The following NPR1 variants were observed in gnomAD, a reference collection of about 807,000 sequenced individuals.
NPR1 encodes atrial natriuretic peptide receptor 1.
A neutral mutation model predicts 116.9 loss-of-function variants in NPR1; 57 were observed. The observed-to-expected ratio is 0.49, with a 90% CI of 0.39 to 0.61. NPR1 has a LOEUF of 0.61. Among genes scored for constraint, NPR1 ranks in the 20% least tolerant of loss-of-function variants. NPR1 has a pLI of 0.00. For missense variants in NPR1, 1,096 were observed against 1,409.8 expected, an observed-to-expected ratio of 0.78 and a Z score of 3.56; for synonymous variants, 555 against 601.6, an observed-to-expected ratio of 0.92 and a Z score of 1.13.
In NPR1 at chr1:153,689,157, C is replaced by G. The variant is rs1670018299; in HGVS notation, c.2565-31C>G. 1 of 1,614,186 alleles carries G rather than the reference C, an allele frequency of 6.2e-7. No homozygotes were observed. The highest frequency in any genetic ancestry group is 1.1e-5 in the South Asian group (1 of 91,088). On this transcript the variant is annotated intron_variant, in intron 16 of 21. Transcript: ENST00000368680. This position sits in a 1 kb window ranked among gnomAD's most constrained non-coding sequence, Gnocchi z 5.1. ...ACAAAGCCCCTGTCCCGACCCCCAA[C>G]TCTGATCCTGCACCTGCCCTGACCC...
Position 153,678,907 on chromosome 1 carries a change from G to A in NPR1, c.-202G>A, listed in dbSNP as rs903747973. 3.2e-5 allele frequency: 20 copies of A among 627,376 alleles called. No individual in the cohort carries two copies. In the East Asian group the frequency reaches 5.5e-4, roughly 17 times the overall value. 38.9% of individuals were successfully genotyped at this position (627,376 alleles called of 1,614,324 possible). On this transcript the variant is annotated 5_prime_UTR_variant, in exon 1 of 22. Coordinates refer to ENST00000368680, the MANE Select transcript of NPR1 (RefSeq NM_000906.4). This position sits in a 1 kb window ranked among gnomAD's most constrained non-coding sequence, Gnocchi z 5.8. ...CCACCTGCTCCGCGGCGCCCTGCGC[G>A]CCCCCCTCGGTCGCGCCCCTTGCGC... is the stretch of plus-strand genomic sequence containing the variant.
At chr1:153,682,416 A>G in intron 4 of NPR1, 82 bp from the exon 5 acceptor site, 1 of 1,016,588 alleles carries the variant, frequency 9.8e-7, no homozygotes. Context: ...AAGGCAAAAA[A>G]GATTAGAGGA....
At chr1:153,682,022 T>C (rs1669794338) in intron 4 of NPR1, among the ~76,000 whole-genome samples, 183 bp downstream of exon 4, 1 of 152,178 alleles carries the variant, frequency 6.6e-6, no homozygotes, top group Non-Finnish European at 1.5e-5. Flanking sequence ...CAATCATCCC[T>C]GCTGGGCACT....
At chr1:153,690,141 TCACA>T (rs149726910) in intron 19 of NPR1, 139 bp from the exon 20 acceptor site, 30 of 362,846 alleles carry the variant, frequency 8.3e-5, no homozygotes, top group South Asian at 1.9e-4. Flanking sequence ...TCTCTCTCTC[TCACA>T]CACACACACA....
intron 3 of NPR1, 84 bp downstream of exon 3, chr1:153,681,377 C>T: frequency 2.5e-6 from 2 of 793,630 alleles, no homozygotes; most frequent in Non-Finnish European, 4.3e-6. Context: ...CTTCCCTATT[C>T]CCAGTTCTCC....
At position 153,686,605 on chromosome 1, in the gene NPR1, C is replaced by T. The variant is rs149139025; in HGVS notation, c.1759-41C>T. 398 of 1,534,516 alleles carry T rather than the reference C, an allele frequency of 2.6e-4. No individual in the cohort carries two copies. In the African/African-American group the frequency reaches 4.5e-3, roughly 17 times the overall value. ...AGCTAGTGAGCAGCTTGGTGAGGAG[C>T]GAGGTCTCTGTCAAGCTCCTGATGC... On this transcript the variant is annotated intron_variant, in intron 10 of 21. Transcript: ENST00000368680.
At chr1:153,692,744 C>T (rs563925530) in intron 20 of NPR1, among the ~76,000 whole-genome samples, 1 of 151,934 alleles carries the variant, frequency 6.6e-6, no homozygotes, top group Non-Finnish European at 1.5e-5. Flanking sequence ...AACTCCTGGC[C>T]TCAAGTGATC....
intron 10 of NPR1, 92 bp from the exon 11 acceptor site, chr1:153,686,554 G>A: frequency 1.0e-6 from 1 of 986,586 alleles, no homozygotes; most frequent in Non-Finnish European, 1.6e-6. Context: ...AGTGAATAAG[G>A]AGTTAAGAAG....
rs1306720154 is a variant in NPR1 at position 153,690,280 on chromosome 1, C to T, written c.2933-4C>T. 1.7e-5 allele frequency: 26 copies of T among 1,554,922 alleles called. No individual in the cohort carries two copies. The highest frequency in any genetic ancestry group is 2.3e-5 in the Non-Finnish European group (26 of 1,148,250). ...GGCTCTGCTCCTTCCCTTGCTCCTC[C>T]CAGGACCTGTGTGTGCTGGAGTGGT... On this transcript the variant is annotated splice_region_variant and splice_polypyrimidine_tract_variant and intron_variant, in intron 19 of 21. Transcript: ENST00000368680.
chr1:153,683,570 C>G, intron 6 of NPR1, 59 bp downstream of exon 6: 2 of 1,605,526 alleles, frequency 1.2e-6, no homozygotes, highest in Non-Finnish European at 1.7e-6. Context: ...TTCCCCTAAG[C>G]ACAGTCGAGT....
chr1:153,679,173 C>CGCT lies in NPR1; in HGVS notation c.78_80dup (p.Leu27dup), dbSNP rs774440887. The CGCT allele has an allele frequency of 1.2e-5, 18 of 1,502,958 alleles. No individual in the cohort carries two copies. The highest frequency in any genetic ancestry group is 2.9e-5 in the African/African-American group (2 of 68,716). The allele number at this position is 1,502,958 out of a possible 1,614,324, so 93.1% of individuals were successfully genotyped here. ...CTGCTCCTGCTCCTGCTGCTGCCGC[C>CGCT]GCTGCTGCTGCTGCTCCGGGGCAGC... is the stretch of plus-strand genomic sequence containing the variant. On this transcript the variant is annotated inframe_insertion, in exon 1 of 22. Transcript: ENST00000368680. This position sits in a 1 kb window ranked among gnomAD's most constrained non-coding sequence, Gnocchi z 4.2.
intron 20 of NPR1, among the ~76,000 whole-genome samples, chr1:153,692,700 A>G (rs1382585576): frequency 6.6e-6 from 1 of 151,864 alleles, no homozygotes; most frequent in Non-Finnish European, 1.5e-5. Flanking sequence ...TTTAGTAGAG[A>G]CGGGGTTTCG....
rs1669683617 is a variant in NPR1, at chr1:153,679,137, C to T, written c.29C>T (p.Ser10Phe). Residue 10 changes from serine (S) to phenylalanine (F), a missense_variant, in exon 1 of 22, where the codon TCC becomes TTC. Transcript: ENST00000368680. This position sits in a 1 kb window ranked among gnomAD's most constrained non-coding sequence, Gnocchi z 4.2. ...CCGGGGCCCCGGCGCCCCGCTGGCT[C>T]CCGCCTGCGCCTGCTCCTGCTCCTG... is the stretch of plus-strand genomic sequence containing the variant. MPGPRRPAG[S>F]RLRLLLLLLL... The T allele has an allele frequency of 1.4e-6, 2 of 1,450,956 alleles. No individual in the cohort carries two copies. The highest frequency in any genetic ancestry group is 3.0e-5 in the African/African-American group (2 of 66,852). The allele number at this position is 1,450,956 out of a possible 1,614,324, so 89.9% of individuals were successfully genotyped here.
In NPR1 at chr1:153,689,745, C is replaced by T. The variant is rs747425534; in HGVS notation, c.2758-61C>T. On this transcript the variant is annotated intron_variant, in intron 18 of 21. Transcript: ENST00000368680. This position sits in a 1 kb window ranked among gnomAD's most constrained non-coding sequence, Gnocchi z 5.1. ...ATGACAGACGCTGCACCCGGTGTGA[C>T]GGTGTGGCCGGCCGCACAGTTGCAG... The T allele has an allele frequency of 1.2e-5, 17 of 1,447,984 alleles. No individual in the cohort carries two copies. The highest frequency in any genetic ancestry group is 1.1e-4 in the African/African-American group (8 of 70,802). The allele number at this position is 1,447,984 out of a possible 1,614,324, so 89.7% of individuals were successfully genotyped here.
chr1:153,691,694 G>A (rs1038462504), intron 20 of NPR1, among the ~76,000 whole-genome samples: 3 of 151,912 alleles, frequency 2.0e-5, no homozygotes, highest in African/African-American at 7.2e-5. Flanking sequence ...GCCAGGAGTT[G>A]GAGACTAGCC....
intron 3 of NPR1, 199 bp from the exon 4 acceptor site, chr1:153,681,505 C>A: frequency 3.1e-6 from 2 of 654,956 alleles, no homozygotes; most frequent in Non-Finnish European, 5.2e-6. Context: ...ATACATCCTG[C>A]CCTGTCTACC....
At chr1:153,681,316 T>G (rs765358945) in intron 3 of NPR1, 23 bp downstream of exon 3, 19 of 1,385,530 alleles carry the variant, frequency 1.4e-5, no homozygotes, top group Non-Finnish European at 2.0e-5. Context: ...CCCGGGACCC[T>G]CCAGCGTGGA....
rs778027239 is a variant in NPR1 at position 153,680,572 on chromosome 1, G to A, written c.793G>A (p.Gly265Arg). ...CCTGGCCCTGGAAGCTGGCTTGTGTGGGGAGGACTACGTTTTCTTCCACCT... is the reference window on the plus strand; with the variant it reads ...CCTGGCCCTGGAAGCTGGCTTGTGTAGGGAGGACTACGTTTTCTTCCACCT... Reference protein sequence around the residue: ...MLLALEAGLCGEDYVFFHLDI... With the variant: ...MLLALEAGLCREDYVFFHLDI... The change falls in exon 2 of 22, where the codon GGG becomes AGG. Residue 265 changes from glycine (G) to arginine (R), a missense_variant. Coordinates refer to ENST00000368680, the MANE Select transcript of NPR1 (RefSeq NM_000906.4). The A allele has an allele frequency of 6.8e-6, 11 of 1,614,052 alleles. No individual in the cohort carries two copies. The highest frequency in any genetic ancestry group is 9.3e-6 in the Non-Finnish European group (11 of 1,180,038).
intron 15 of NPR1, among the ~76,000 whole-genome samples, chr1:153,688,434 C>T (rs1669996534): frequency 6.6e-6 from 1 of 152,166 alleles, no homozygotes; most frequent in Admixed American, 6.5e-5. Flanking sequence ...ATTCATGCCC[C>T]TTCCCTCCAC....
Sources: gnomAD v4.1 joint callset for allele counts (sites outside exome capture counted in the v4.1 genomes callset) on GRCh38, gnomAD v4.1.1 for gene constraint, Gnocchi (gnomAD v3.1) non-coding constraint, MANE v1.5 for transcripts, NCBI Gene and HGNC (gene_info 2026-07-23, HGNC 2026-07-21) for gene names.